NKAIN3: variants seen among roughly 807,000 people sequenced by gnomAD.
NKAIN3 encodes the protein sodium/potassium-transporting ATPase subunit beta-1-interacting protein 3.
A neutral mutation model predicts 30.2 loss-of-function variants in NKAIN3; 25 were observed. The ratio of observed to expected loss-of-function variants is 0.83; its 90% confidence interval spans 0.60 to 1.16. NKAIN3 has a LOEUF of 1.16. NKAIN3 is among the 50% of genes most tolerant of loss of function. NKAIN3 has a pLI of 0.00. For missense variants in NKAIN3, 225 were observed against 254.1 expected (o/e 0.89, Z 0.78); for synonymous variants, 91 against 89.6 (o/e 1.02, Z -0.09).
chr8:62,630,818 T>C (rs921273393), intron 3 of NKAIN3, among the ~76,000 whole-genome samples: 2 of 152,148 alleles, frequency 1.3e-5, no homozygotes, highest in African/African-American at 4.8e-5. Context: ...CTTCAACTCC[T>C]TCTAGAAATC....
chr8:62,911,282 A>G (rs1821918979), intron 4 of NKAIN3, among the ~76,000 whole-genome samples: 1 of 152,186 alleles, frequency 6.6e-6, no homozygotes, highest in African/African-American at 2.4e-5. Context: ...ACATTTTGAT[A>G]TATCTTTGCT....
intron 5 of NKAIN3, among the ~76,000 whole-genome samples, chr8:62,993,549 T>A (rs541109308): frequency 1.2e-3 from 182 of 152,286 alleles, no homozygotes; most frequent in African/African-American, 3.9e-3. Flanking sequence ...TATGGCCCCC[T>A]TTCTCCCGGC....
At chr8:62,381,724 T>C (rs1817284459) in intron 1 of NKAIN3, among the ~76,000 whole-genome samples, 1 of 152,182 alleles carries the variant, frequency 6.6e-6, no homozygotes. Context: ...TCAGTTCTCC[T>C]AACTACTAGC....
chr8:62,378,571 G>T (rs971416354), intron 1 of NKAIN3, among the ~76,000 whole-genome samples: 5 of 152,294 alleles, frequency 3.3e-5, no homozygotes, highest in Admixed American at 2.0e-4. Flanking sequence ...GGGACTTAGT[G>T]CCCTGTGTCC....
intron 4 of NKAIN3, among the ~76,000 whole-genome samples, chr8:62,875,685 T>A (rs1159008311): frequency 6.6e-6 from 1 of 152,094 alleles, no homozygotes; most frequent in African/African-American, 2.4e-5. Context: ...TCTACAACCA[T>A]CTGATCTTCG....
At chr8:62,487,915 G>A (rs1394492929) in intron 1 of NKAIN3, among the ~76,000 whole-genome samples, 1 of 152,168 alleles carries the variant, frequency 6.6e-6, no homozygotes, top group Non-Finnish European at 1.5e-5. Flanking sequence ...ATCTGCTGAG[G>A]AGTCTGGATG....
intron 1 of NKAIN3, among the ~76,000 whole-genome samples, chr8:62,341,986 A>C (rs995684384): frequency 1.3e-5 from 2 of 152,036 alleles, no homozygotes; most frequent in Non-Finnish European, 2.9e-5. Context: ...ATAAACTATA[A>C]ATTATTCAGG....
intron 1 of NKAIN3, among the ~76,000 whole-genome samples, chr8:62,297,579 C>T (rs1405191566): frequency 5.3e-5 from 8 of 151,910 alleles, no homozygotes; most frequent in African/African-American, 1.9e-4. Flanking sequence ...AAAATGCTCA[C>T]CATCACTGGC....
At chr8:62,317,265 G>C (rs2129589097) in intron 1 of NKAIN3, among the ~76,000 whole-genome samples, 1 of 152,302 alleles carries the variant, frequency 6.6e-6, no homozygotes, top group South Asian at 2.1e-4. Flanking sequence ...CCGTGCAGAA[G>C]CTCTTTAGTT....
At chr8:62,891,274 T>A (rs1304124431) in intron 4 of NKAIN3, among the ~76,000 whole-genome samples, 1 of 152,208 alleles carries the variant, frequency 6.6e-6, no homozygotes, top group African/African-American at 2.4e-5. Context: ...GGCCTTCATC[T>A]TTCTCCTGTG....
chr8:62,675,187 G>GCTTT (rs1813436760), intron 3 of NKAIN3, among the ~76,000 whole-genome samples: 1 of 152,114 alleles, frequency 6.6e-6, no homozygotes, highest in African/African-American at 2.4e-5. Flanking sequence ...ATGCCAAAGA[G>GCTTT]CTTTGTAGAC....
At position 62,248,974 on chromosome 8, in the gene NKAIN3, C is replaced by T. The variant is rs1488390234; in HGVS notation, c.-100C>T. ...AGCGGCGGCCGCGGGGCCGAGGAGC[C>T]TGGGCCGGGCCGGGCGGGGACTACT... is the stretch of plus-strand genomic sequence containing the variant. On this transcript the variant is annotated 5_prime_UTR_variant, in exon 1 of 7. Transcript: ENST00000623646. The T allele has an allele frequency of 4.3e-6, 5 of 1,158,870 alleles. No homozygotes were observed. The highest frequency in any genetic ancestry group is 6.1e-6 in the Non-Finnish European group (5 of 824,644). 71.8% of individuals were successfully genotyped at this position (1,158,870 alleles called of 1,614,324 possible). A position where few individuals can be genotyped will look rare whatever the true frequency, so the allele number is the denominator to read the frequency against.
chr8:62,447,722 C>A (rs934455353), intron 1 of NKAIN3, among the ~76,000 whole-genome samples: 1 of 152,044 alleles, frequency 6.6e-6, no homozygotes, highest in Non-Finnish European at 1.5e-5. Flanking sequence ...GACATTCTGG[C>A]ATCCCATTGA....
At chr8:62,283,857 T>C (rs2129397459) in intron 1 of NKAIN3, among the ~76,000 whole-genome samples, 1 of 152,114 alleles carries the variant, frequency 6.6e-6, no homozygotes, top group Admixed American at 6.6e-5. Context: ...TTCAAAAAAT[T>C]TACAGTAAAA....
intron 3 of NKAIN3, among the ~76,000 whole-genome samples, chr8:62,665,740 C>G (rs776118909): frequency 3.3e-5 from 5 of 152,140 alleles, no homozygotes; most frequent in African/African-American, 7.2e-5. Context: ...CCCCCAGCAT[C>G]CTGATACAGT....
chr8:62,813,997 G>A (rs1048326922), intron 4 of NKAIN3, among the ~76,000 whole-genome samples: 12 of 152,064 alleles, frequency 7.9e-5, no homozygotes, highest in Admixed American at 3.3e-4. Flanking sequence ...TTTCTGCTGA[G>A]AAATCTGTTG....
intron 4 of NKAIN3, among the ~76,000 whole-genome samples, chr8:62,896,207 T>C (rs1821423390): frequency 6.6e-6 from 1 of 152,034 alleles, no homozygotes; most frequent in Non-Finnish European, 1.5e-5. Flanking sequence ...GTCTGTAACC[T>C]CACATGGTAG....
intron 3 of NKAIN3, among the ~76,000 whole-genome samples, chr8:62,714,103 A>G (rs1406426144): frequency 6.6e-6 from 1 of 152,148 alleles, no homozygotes; most frequent in Non-Finnish European, 1.5e-5. Context: ...TCATTTCAGA[A>G]ATAAATCATT....
chr8:62,252,055 G>A (rs1232197839), intron 1 of NKAIN3, among the ~76,000 whole-genome samples: 1 of 152,058 alleles, frequency 6.6e-6, no homozygotes, highest in East Asian at 1.9e-4. Context: ...CTAACTCTGA[G>A]CCCGTATAAG....
Sources: gnomAD v4.1 joint callset for allele counts (sites outside exome capture counted in the v4.1 genomes callset) on GRCh38, gnomAD v4.1.1 for gene constraint, MANE v1.5 for transcripts, NCBI Gene and HGNC (gene_info 2026-07-23, HGNC 2026-07-21) for gene names.